LSAMP: variants seen among roughly 807,000 people sequenced by gnomAD.
LSAMP encodes limbic system-associated membrane protein.
Under a neutral mutation model 38.6 loss-of-function variants are expected in LSAMP, and 7 were observed. That is an observed-to-expected ratio of 0.18 (90% CI 0.10 to 0.34). The LOEUF (loss-of-function observed/expected upper bound fraction) is 0.34. Among genes scored for constraint, LSAMP ranks in the 10% least tolerant of loss-of-function variants. The pLI, the probability that LSAMP is intolerant of heterozygous loss-of-function variation, is 1.00. For missense variants in LSAMP, 313 were observed against 420.0 expected (o/e 0.75, Z 2.23); for synonymous variants, 154 against 166.8 (o/e 0.92, Z 0.59).
chr3:115,961,182 T>C (rs1182168324), intron 3 of LSAMP, among the ~76,000 whole-genome samples: 3 of 152,186 alleles, frequency 2.0e-5, no homozygotes, highest in Non-Finnish European at 2.9e-5. Flanking sequence ...TAAGCAACAT[T>C]AAGCAAGCAG....
intron 6 of LSAMP, among the ~76,000 whole-genome samples, chr3:115,821,651 A>T (rs984502467): frequency 6.6e-6 from 1 of 152,244 alleles, no homozygotes; most frequent in African/African-American, 2.4e-5. Flanking sequence ...TGGCACTTTT[A>T]AAATTCTGGG....
At chr3:116,034,111 C>G (rs1940993528) in intron 2 of LSAMP, among the ~76,000 whole-genome samples, 1 of 151,942 alleles carries the variant, frequency 6.6e-6, no homozygotes, top group Non-Finnish European at 1.5e-5. Context: ...GGTTACAAAG[C>G]AAGAATTAGG....
At chr3:116,001,953 G>A (rs1436686422) in intron 3 of LSAMP, among the ~76,000 whole-genome samples, 1 of 152,072 alleles carries the variant, frequency 6.6e-6, no homozygotes, top group African/African-American at 2.4e-5. Flanking sequence ...TCTTTGGGGG[G>A]TCATTATTCT....
chr3:115,972,431 C>T (rs1209111106), intron 3 of LSAMP, among the ~76,000 whole-genome samples: 1 of 151,842 alleles, frequency 6.6e-6, no homozygotes, highest in Non-Finnish European at 1.5e-5. Flanking sequence ...TTATTAGTGT[C>T]TAATGTCATT....
At chr3:115,883,409 T>C (rs1264686215) in intron 3 of LSAMP, among the ~76,000 whole-genome samples, 1 of 152,068 alleles carries the variant, frequency 6.6e-6, no homozygotes, top group Non-Finnish European at 1.5e-5. Context: ...GTAGATGCCT[T>C]AGTGCCAACC....
chr3:115,835,370 TAGAA>T (rs1231563354), intron 6 of LSAMP, among the ~76,000 whole-genome samples: 1 of 152,188 alleles, frequency 6.6e-6, no homozygotes, highest in African/African-American at 2.4e-5. Context: ...TGACCATAGA[TAGAA>T]TGTACTGACA....
chr3:115,905,715 T>C (rs1037124982), intron 3 of LSAMP, among the ~76,000 whole-genome samples: 1 of 152,138 alleles, frequency 6.6e-6, no homozygotes, highest in Non-Finnish European at 1.5e-5. Flanking sequence ...AAGTCACTTA[T>C]AAGGCCGATA....
intron 1 of LSAMP, among the ~76,000 whole-genome samples, chr3:116,434,476 G>A (rs929682571): frequency 2.0e-5 from 3 of 152,194 alleles, no homozygotes; most frequent in African/African-American, 7.2e-5. Context: ...GGACAATTTA[G>A]GAGGATTTCC....
intron 1 of LSAMP, among the ~76,000 whole-genome samples, chr3:116,234,394 A>G (rs984952165): frequency 6.6e-6 from 1 of 152,216 alleles, no homozygotes; most frequent in Non-Finnish European, 1.5e-5. Flanking sequence ...ACAGAAGCAC[A>G]TGGTGAAGGA....
At chr3:115,936,428 A>G (rs567213926) in intron 3 of LSAMP, among the ~76,000 whole-genome samples, 13 of 152,174 alleles carry the variant, frequency 8.5e-5, no homozygotes, top group Non-Finnish European at 1.8e-4. Context: ...CTTTTTCTTT[A>G]ACTATTTATT....
intron 3 of LSAMP, among the ~76,000 whole-genome samples, chr3:115,884,589 T>C (rs146654114): frequency 6.6e-6 from 1 of 152,138 alleles, no homozygotes; most frequent in East Asian, 1.9e-4. Context: ...TTCATCACTG[T>C]ATAGAAGATG....
intron 3 of LSAMP, among the ~76,000 whole-genome samples, chr3:115,980,574 T>C (rs1244491750): frequency 6.6e-6 from 1 of 152,184 alleles, no homozygotes; most frequent in Admixed American, 6.6e-5. Context: ...TTTATACAAG[T>C]ATAATGGGAA....
Position 115,844,209 on chromosome 3 carries a change from A to G in LSAMP, c.650-1631T>C, listed in dbSNP as rs557820614. Among the ~76,000 whole-genome samples the G allele has an allele frequency of 7.2e-5, 11 of 152,344 alleles. No individual in the cohort carries two copies. The South Asian group carries it at 1.2e-3, about 17-fold the overall frequency. On this transcript the variant is annotated intron_variant, in intron 4 of 6. Coordinates refer to ENST00000490035, the MANE Select transcript of LSAMP (RefSeq NM_002338.5). Reference sequence around the variant, plus strand: ...TCTTTTCAAATGAGTGGTTGGCATAATTATGATCCAAGTGTATTTTCAAAC... The same window carrying G: ...TCTTTTCAAATGAGTGGTTGGCATAGTTATGATCCAAGTGTATTTTCAAAC...
At chr3:115,817,611 G>C (rs919525980) in intron 6 of LSAMP, among the ~76,000 whole-genome samples, 2 of 152,246 alleles carry the variant, frequency 1.3e-5, no homozygotes, top group African/African-American at 2.4e-5. Flanking sequence ...TGAAGCTCAG[G>C]AACAACTTAG....
chr3:115,928,973 G>GTTTTTTTTTTTT (rs67711628), intron 3 of LSAMP, among the ~76,000 whole-genome samples: 132 of 109,900 alleles, frequency 1.2e-3, no homozygotes, highest in African/African-American at 2.5e-3. Flanking sequence ...TTTTTTGTTT[G>GTTTTTTTTTTTT]TTTTTTTTTT....
At chr3:115,939,042 CATA>C (rs1937805456) in intron 3 of LSAMP, among the ~76,000 whole-genome samples, 1 of 152,026 alleles carries the variant, frequency 6.6e-6, no homozygotes, top group Non-Finnish European at 1.5e-5. Context: ...CATGTAGGAA[CATA>C]ATAACAAAGG....
At chr3:116,403,630 A>G (rs376597241) in intron 1 of LSAMP, among the ~76,000 whole-genome samples, 1 of 152,222 alleles carries the variant, frequency 6.6e-6, no homozygotes, top group African/African-American at 2.4e-5. Flanking sequence ...TTATGGGTTG[A>G]AATACATATG....
intron 1 of LSAMP, among the ~76,000 whole-genome samples, chr3:116,352,435 G>A (rs1221236307): frequency 6.6e-6 from 1 of 152,074 alleles, no homozygotes; most frequent in Non-Finnish European, 1.5e-5. Context: ...AAGGCAGCAA[G>A]AGAAGTCACA....
chr3:116,107,871 A>G (rs1328608771), intron 1 of LSAMP, among the ~76,000 whole-genome samples: 2 of 152,190 alleles, frequency 1.3e-5, no homozygotes, highest in African/African-American at 4.8e-5. Context: ...GTTTGGCACC[A>G]TGGGGTGGAT....
Sources: allele counts gnomAD v4.1 joint callset (sites outside exome capture counted in the v4.1 genomes callset), GRCh38; gene constraint gnomAD v4.1.1; transcripts MANE v1.5; gene names NCBI Gene and HGNC (gene_info 2026-07-23, HGNC 2026-07-21).